Variants in KCMF1 observed in about 807,000 individuals in gnomAD.
The protein encoded by KCMF1 is potassium channel modulatory factor 1.
Under a neutral mutation model 41.1 loss-of-function variants are expected in KCMF1, and 3 were observed. The ratio of observed to expected loss-of-function variants is 0.07; its 90% confidence interval spans 0.03 to 0.19. The LOEUF is 0.19. KCMF1 is among the 10% of genes least tolerant of loss of function. The pLI, the probability that KCMF1 is intolerant of heterozygous loss-of-function variation, is 1.00. For synonymous variants in KCMF1, 142 were observed against 164.5 expected (o/e 0.86, Z 1.04); for missense variants, 286 against 488.9 (o/e 0.58, Z 3.91).
chr2:85,006,431 G>C (rs1369059971), intron 1 of KCMF1, among the ~76,000 whole-genome samples: 1 of 149,998 alleles, frequency 6.7e-6, no homozygotes, highest in Non-Finnish European at 1.5e-5. Context: ...CTCCCGAGTA[G>C]CTGGGACTAC....
chr2:85,042,968 T>C (rs1004308175), intron 3 of KCMF1, among the ~76,000 whole-genome samples: 5 of 152,222 alleles, frequency 3.3e-5, no homozygotes, highest in African/African-American at 1.2e-4. Context: ...GCTTCTGGCC[T>C]ACCACCCCAT....
At chr2:85,028,081 T>C (rs1199887264) in intron 2 of KCMF1, 25 bp downstream of exon 2, 1 of 1,451,768 alleles carries the variant, frequency 6.9e-7, no homozygotes, top group Non-Finnish European at 9.5e-7. Flanking sequence ...ATTTAATGAA[T>C]TACATCATTT....
rs1312735502 is a variant in KCMF1, at chr2:85,044,060, A to AT, written c.426+403dup. ...TTCATCTTTAGTTCATTACAATTAG[A>AT]TTTTTTTTAAGGCAGTTTGACCAAA... is the stretch of plus-strand genomic sequence containing the variant. On this transcript the variant is annotated intron_variant, in intron 4 of 6. Transcript: ENST00000409785. 1.4e-4 allele frequency among the ~76,000 whole-genome samples: 21 copies of AT among 152,216 alleles called. 1 individual carries two copies. The East Asian group carries it at 2.5e-3, about 18-fold the overall frequency.
At chr2:84,998,964 ATCTG>A (rs747182548) in intron 1 of KCMF1, among the ~76,000 whole-genome samples, 38,944 of 76,754 alleles carry the variant, frequency 0.51, 8,302 homozygotes, top group Middle Eastern at 0.6. Context: ...CTATCTATCT[ATCTG>A]TCTGTCTGTC....
chr2:85,034,941 T>A, intron 2 of KCMF1, 75 bp from the exon 3 acceptor site: 1 of 1,290,824 alleles, frequency 7.7e-7, no homozygotes, highest in South Asian at 1.4e-5. Context: ...TTTTTTACAT[T>A]ATTGTATCGT....
In KCMF1 at chr2:85,055,488, C is replaced by G. The variant is rs1048288929; in HGVS notation, c.*2079C>G. The G allele has an allele frequency of 2.6e-5, 4 of 152,164 alleles. No homozygotes were observed. The highest frequency in any genetic ancestry group is 9.7e-5 in the African/African-American group (4 of 41,450). The allele number at this position is 152,164 out of a possible 1,614,324, so 9.4% of individuals were successfully genotyped here. A position where few individuals can be genotyped will look rare whatever the true frequency, so the allele number is the denominator to read the frequency against. On this transcript the variant is annotated 3_prime_UTR_variant, in exon 7 of 7. Transcript: ENST00000409785. ...ATGGTTTTAGGGAACAACTGTAAGT[C>G]CATTCAGAGCAGTTTAATTTAGATG...
intron 1 of KCMF1, among the ~76,000 whole-genome samples, chr2:85,006,010 A>G (rs1264016709): frequency 6.6e-6 from 1 of 152,164 alleles, no homozygotes; most frequent in South Asian, 2.1e-4. Flanking sequence ...TGAATGACAT[A>G]CTTCCTCTTC....
intron 6 of KCMF1, 62 bp from the exon 7 acceptor site, chr2:85,053,086 T>C: frequency 6.9e-7 from 1 of 1,459,486 alleles, no homozygotes; most frequent in Non-Finnish European, 9.2e-7. Context: ...ACTGTAGAAA[T>C]TGGCCATGCC....
intron 1 of KCMF1, among the ~76,000 whole-genome samples, chr2:85,002,051 T>C (rs1674343053): frequency 6.6e-6 from 1 of 152,234 alleles, no homozygotes; most frequent in Non-Finnish European, 1.5e-5. Context: ...CAGTCCTTCA[T>C]TGACCTAACC....
intron 1 of KCMF1, among the ~76,000 whole-genome samples, chr2:84,988,710 G>A (rs565344360): frequency 6.6e-6 from 1 of 152,214 alleles, no homozygotes; most frequent in Non-Finnish European, 1.5e-5. Flanking sequence ...AGGTCCCATA[G>A]GTAGTAAGAG....
intron 1 of KCMF1, among the ~76,000 whole-genome samples, chr2:85,005,810 C>T (rs1340678994): frequency 6.6e-6 from 1 of 152,058 alleles, no homozygotes; most frequent in Non-Finnish European, 1.5e-5. Flanking sequence ...ACACCCAGCC[C>T]ATAGTGATAT....
intron 1 of KCMF1, among the ~76,000 whole-genome samples, chr2:85,006,447 C>G (rs1014018048): frequency 6.6e-6 from 1 of 151,474 alleles, no homozygotes; most frequent in Non-Finnish European, 1.5e-5. Context: ...ACTACAGGCG[C>G]CCGCCACCAT....
At chr2:85,034,408 G>T (rs942818131) in intron 2 of KCMF1, among the ~76,000 whole-genome samples, 2 of 152,052 alleles carry the variant, frequency 1.3e-5, no homozygotes, top group Non-Finnish European at 2.9e-5. Context: ...TGTTGCCCCA[G>T]TATATACAGA....
In KCMF1 at chr2:85,004,763, T is replaced by C. The variant is rs541515627; in HGVS notation, c.17-23126T>C. Among the ~76,000 whole-genome samples, 113 of 152,312 alleles carry C rather than the reference T, an allele frequency of 7.4e-4. 2 individuals carry two copies. Among genetic ancestry groups the C allele is most frequent in the African/African-American group, 2.4e-3 (98 of 41,580 alleles). ...TCAGTCTTCTATCTTGAGATTTTCATGAGTCTTGCTTGAACTAGGCCTTTT... is the reference window on the plus strand; with the variant it reads ...TCAGTCTTCTATCTTGAGATTTTCACGAGTCTTGCTTGAACTAGGCCTTTT... On this transcript the variant is annotated intron_variant, in intron 1 of 6. Transcript: ENST00000409785.
At chr2:84,997,862 C>T (rs529789544) in intron 1 of KCMF1, among the ~76,000 whole-genome samples, 13 of 150,158 alleles carry the variant, frequency 8.7e-5, no homozygotes, top group Non-Finnish European at 1.6e-4. Flanking sequence ...CGTCCGCCTC[C>T]TGGATTCAAG....
At chr2:84,977,608 A>G (rs564176068) in intron 1 of KCMF1, among the ~76,000 whole-genome samples, 113 of 150,594 alleles carry the variant, frequency 7.5e-4, no homozygotes, top group African/African-American at 2.7e-3. Flanking sequence ...TTTTTTGTAG[A>G]GACTGGATCT....
chr2:85,053,069 G>A (rs1022723853), intron 6 of KCMF1, 79 bp from the exon 7 acceptor site: 1 of 1,327,086 alleles, frequency 7.5e-7, no homozygotes, highest in African/African-American at 1.5e-5. Flanking sequence ...ACTTCACAGT[G>A]GAGAGCACTG....
intron 4 of KCMF1, among the ~76,000 whole-genome samples, chr2:85,045,515 T>C (rs966858511): frequency 6.6e-6 from 1 of 152,202 alleles, no homozygotes; most frequent in Non-Finnish European, 1.5e-5. Flanking sequence ...CTATATGATC[T>C]GGCCTCCCCC....
chr2:85,018,496 C>G (rs963039758), intron 1 of KCMF1, among the ~76,000 whole-genome samples: 1 of 152,084 alleles, frequency 6.6e-6, no homozygotes, highest in Admixed American at 6.6e-5. Context: ...TCTCGAACTC[C>G]TGACCTCAGG....
Sources: gnomAD v4.1 joint callset for allele counts (sites outside exome capture counted in the v4.1 genomes callset) on GRCh38, gnomAD v4.1.1 for gene constraint, MANE v1.5 for transcripts, NCBI Gene and HGNC (gene_info 2026-07-23, HGNC 2026-07-21) for gene names.